Variants in UBR2 observed in about 807,000 individuals in gnomAD.
UBR2 encodes the protein ubiquitin protein ligase E3 component n-recognin 2, also known as E3 ubiquitin-protein ligase UBR2.
A neutral mutation model predicts 247.9 loss-of-function variants in UBR2; 92 were observed. The observed-to-expected ratio is 0.37, with a 90% CI of 0.31 to 0.44. The LOEUF (loss-of-function observed/expected upper bound fraction) is 0.44. UBR2 is among the 20% of genes least tolerant of loss of function. The pLI is 1.00. For synonymous variants in UBR2, 672 were observed against 693.5 expected, an observed-to-expected ratio of 0.97 and a Z score of 0.49; for missense variants, 1,613 against 2,112.6, an observed-to-expected ratio of 0.76 and a Z score of 4.64.
At chr6:42,644,955 T>C (rs771044482) in intron 20 of UBR2, among the ~76,000 whole-genome samples, 7 of 152,170 alleles carry the variant, frequency 4.6e-5, no homozygotes, top group Admixed American at 3.9e-4. Flanking sequence ...AAAGGAGACC[T>C]GTGGCTAATA....
chr6:42,676,496 C>T (rs1417766462), intron 39 of UBR2, among the ~76,000 whole-genome samples: 2 of 152,142 alleles, frequency 1.3e-5, no homozygotes, highest in African/African-American at 4.8e-5. Context: ...TTTGTTAATG[C>T]CCACATGAAT....
intron 2 of UBR2, among the ~76,000 whole-genome samples, chr6:42,581,320 G>T (rs2151909225): frequency 1.3e-5 from 2 of 152,110 alleles, no homozygotes; most frequent in Middle Eastern, 6.8e-3. Flanking sequence ...CTCCTGAGTA[G>T]CTGGGATTAC....
chr6:42,592,020 A>C (rs972579002), intron 2 of UBR2, 131 bp from the exon 3 acceptor site: 13 of 812,340 alleles, frequency 1.6e-5, no homozygotes, highest in Non-Finnish European at 2.3e-5. Context: ...TGGGAATGAT[A>C]CTTCCTTTTT....
At chr6:42,653,031 T>TA (rs1797212135) in intron 25 of UBR2, among the ~76,000 whole-genome samples, 1 of 151,922 alleles carries the variant, frequency 6.6e-6, no homozygotes, top group Non-Finnish European at 1.5e-5. Context: ...CTCATAGACT[T>TA]ACGGTCCTAT....
At chr6:42,596,450 T>C (rs1582483321) in intron 4 of UBR2, among the ~76,000 whole-genome samples, 1 of 151,996 alleles carries the variant, frequency 6.6e-6, no homozygotes, top group Non-Finnish European at 1.5e-5. Context: ...TTCCTCAAAA[T>C]ATTAAACATT....
At chr6:42,600,999 T>C (rs1793322956) in intron 4 of UBR2, among the ~76,000 whole-genome samples, 1 of 152,200 alleles carries the variant, frequency 6.6e-6, no homozygotes, top group African/African-American at 2.4e-5. Context: ...AAATAGGACA[T>C]CTCTACCATG....
chr6:42,673,744 ACTGCTTTGCATT>A (rs1323508770), intron 36 of UBR2, 35 bp from the exon 37 acceptor site: 1 of 1,418,562 alleles, frequency 7.0e-7, no homozygotes, highest in Non-Finnish European at 9.9e-7. Context: ...CTGAAAGAGA[ACTGCTTTGCATT>A]TTTGTTTTTT....
In UBR2 at chr6:42,614,232, ACACACACACACACG is replaced by A. The variant is rs1452866507; in HGVS notation, c.986-837_986-824del. On this transcript the variant is annotated intron_variant, in intron 8 of 46. Transcript: ENST00000372901. ...TATATATATATACACACACACACAC[ACACACACACACACG>A]CGCGCACATATATATACACACACAC... Among the ~76,000 whole-genome samples the A allele has an allele frequency of 7.0e-4, 71 of 101,464 alleles. 2 individuals are homozygous for A. Among genetic ancestry groups the A allele is most frequent in the South Asian group, 2.1e-3 (6 of 2,920 alleles). The allele number at this position is 101,464 out of a possible 152,430, so 66.6% of individuals were successfully genotyped here.
In UBR2 at chr6:42,632,000, CAG is replaced by C. The variant is rs1186824774; in HGVS notation, c.1282-551_1282-550del. Among the ~76,000 whole-genome samples, 4 of 143,564 alleles carry C rather than the reference CAG, an allele frequency of 2.8e-5. No homozygotes were observed. In the East Asian group the frequency reaches 8.0e-4, roughly 29 times the overall value. 94.2% of individuals were successfully genotyped at this position (143,564 alleles called of 152,430 possible). A position where few individuals can be genotyped will look rare whatever the true frequency, so the allele number is the denominator to read the frequency against. On this transcript the variant is annotated intron_variant, in intron 11 of 46. Transcript: ENST00000372901. ...AGATTTGCCTTTAGAAAGAAGACCT[CAG>C]GAGCTAGGAGACTCCCTGTTGCATT...
At chr6:42,571,242 CAA>C (rs774925925) in intron 1 of UBR2, among the ~76,000 whole-genome samples, 189 of 39,108 alleles carry the variant, frequency 4.8e-3, no homozygotes, top group African/African-American at 0.013. Flanking sequence ...GACTCCGTCT[CAA>C]AAAAAAAAAA....
chr6:42,614,427 T>TATACGTAC (rs1554250480), intron 8 of UBR2, among the ~76,000 whole-genome samples: 1 of 83,998 alleles, frequency 1.2e-5, no homozygotes, highest in Non-Finnish European at 2.5e-5. Flanking sequence ...TACGTACATA[T>TATACGTAC]ATATGTATGT....
chr6:42,579,063 T>C (rs1458856675), intron 2 of UBR2, among the ~76,000 whole-genome samples: 1 of 152,152 alleles, frequency 6.6e-6, no homozygotes, highest in East Asian at 1.9e-4. Flanking sequence ...TGTTCTTGCA[T>C]TGCTATAAAG....
intron 40 of UBR2, 128 bp from the exon 41 acceptor site, chr6:42,678,411 C>T (rs1163151117): frequency 1.0e-6 from 1 of 960,612 alleles, no homozygotes; most frequent in African/African-American, 1.7e-5. Flanking sequence ...CACCCACTTG[C>T]CTGTTAACTC....
intron 4 of UBR2, among the ~76,000 whole-genome samples, chr6:42,600,359 A>G (rs1383096953): frequency 6.6e-6 from 1 of 152,140 alleles, no homozygotes; most frequent in East Asian, 1.9e-4. Flanking sequence ...AGCTAAAATT[A>G]TTAGTAATAA....
At chr6:42,608,144 C>T (rs926721127) in intron 7 of UBR2, among the ~76,000 whole-genome samples, 3 of 152,130 alleles carry the variant, frequency 2.0e-5, no homozygotes, top group African/African-American at 7.2e-5. Flanking sequence ...AGTTTCCCTA[C>T]GGTATATACC....
chr6:42,595,718 T>TAA (rs11452412), intron 4 of UBR2, among the ~76,000 whole-genome samples: 2 of 132,128 alleles, frequency 1.5e-5, no homozygotes, highest in East Asian at 2.2e-4. Flanking sequence ...ACCCTGTCTT[T>TAA]AAAAAAAAAA....
intron 4 of UBR2, among the ~76,000 whole-genome samples, chr6:42,597,076 G>A (rs768301607): frequency 1.3e-5 from 2 of 152,126 alleles, no homozygotes; most frequent in Non-Finnish European, 1.5e-5. Context: ...ATTTTCTAAT[G>A]AAAAGTTTTG....
rs555308429 is a variant in UBR2, at chr6:42,651,654, C to T, written c.2566-369C>T. Among the ~76,000 whole-genome samples, 4 of 152,074 alleles carry T rather than the reference C, an allele frequency of 2.6e-5. No individual in the cohort carries two copies. The East Asian group carries it at 7.8e-4, about 30-fold the overall frequency. The stretch of plus-strand genomic sequence containing the variant: ...TACAGGTGTGTGCCACCACGCCCAG[C>T]CAATTTTTGTATTTTTAGTAGAGAT... On this transcript the variant is annotated intron_variant, in intron 23 of 46. Coordinates refer to ENST00000372901, the MANE Select transcript of UBR2 (RefSeq NM_001363705.2).
chr6:42,582,967 G>T (rs902874503), intron 2 of UBR2, among the ~76,000 whole-genome samples: 1 of 151,936 alleles, frequency 6.6e-6, no homozygotes, highest in South Asian at 2.1e-4. Flanking sequence ...CTCTTGTGAA[G>T]TTATTGTTAA....
Sources: allele counts gnomAD v4.1 joint callset (sites outside exome capture counted in the v4.1 genomes callset), GRCh38; gene constraint gnomAD v4.1.1; transcripts MANE v1.5; gene names NCBI Gene and HGNC (gene_info 2026-07-23, HGNC 2026-07-21).